Variants in ADAMTS12 observed in about 807,000 individuals in gnomAD.
ADAMTS12 encodes A disintegrin and metalloproteinase with thrombospondin motifs 12.
ADAMTS12 carries 118 observed loss-of-function variants against 167.8 expected under a neutral mutation model. That is an observed-to-expected ratio of 0.70 (90% CI 0.61 to 0.82). The LOEUF is 0.82. Ranked by LOEUF, ADAMTS12 falls within the 40% of genes least tolerant of loss-of-function variation. The pLI, the probability that ADAMTS12 is intolerant of heterozygous loss-of-function variation, is 0.00. For missense variants in ADAMTS12, 1,916 were observed against 1,998.8 expected, an observed-to-expected ratio of 0.96 and a Z score of 0.79; for synonymous variants, 704 against 716.9, an observed-to-expected ratio of 0.98 and a Z score of 0.29.
chr5:33,545,926 G>A, intron 22 of ADAMTS12, 133 bp downstream of exon 22: 1 of 1,041,400 alleles, frequency 9.6e-7, no homozygotes, highest in South Asian at 1.8e-5. Context: ...TGAGTTGATG[G>A]GTGCAGCAAA....
intron 2 of ADAMTS12, among the ~76,000 whole-genome samples, chr5:33,752,664 CA>C (rs1163963447): frequency 6.6e-6 from 1 of 152,184 alleles, no homozygotes. Context: ...GTCAATACAG[CA>C]GTTCAGTAAA....
intron 2 of ADAMTS12, among the ~76,000 whole-genome samples, chr5:33,781,901 C>T (rs1746143427): frequency 1.4e-5 from 2 of 143,898 alleles, no homozygotes; most frequent in Admixed American, 1.4e-4. Context: ...TCCATGTGTT[C>T]TCATTGTTCA....
chr5:33,532,770 G>A (rs1021161075), intron 23 of ADAMTS12, among the ~76,000 whole-genome samples: 2 of 152,018 alleles, frequency 1.3e-5, no homozygotes, highest in African/African-American at 4.8e-5. Flanking sequence ...ATGACCTGGA[G>A]GAAACTAAAC....
At chr5:33,563,732 G>C (rs1364174845) in intron 19 of ADAMTS12, among the ~76,000 whole-genome samples, 1 of 152,194 alleles carries the variant, frequency 6.6e-6, no homozygotes, top group Non-Finnish European at 1.5e-5. Flanking sequence ...CAAAATAAAA[G>C]CCATACCCAT....
At chr5:33,856,616 A>C (rs1749410190) in intron 2 of ADAMTS12, among the ~76,000 whole-genome samples, 1 of 152,146 alleles carries the variant, frequency 6.6e-6, no homozygotes, top group African/African-American at 2.4e-5. Context: ...TTCTCAAAAA[A>C]AAAAAGCATA....
intron 20 of ADAMTS12, among the ~76,000 whole-genome samples, chr5:33,558,431 G>C (rs1374057980): frequency 6.6e-6 from 1 of 152,134 alleles, no homozygotes; most frequent in Non-Finnish European, 1.5e-5. Flanking sequence ...TTGATGATGT[G>C]TCAGAAACAA....
intron 3 of ADAMTS12, among the ~76,000 whole-genome samples, chr5:33,699,061 G>A (rs1335889127): frequency 1.3e-5 from 2 of 152,208 alleles, no homozygotes; most frequent in Admixed American, 6.5e-5. Flanking sequence ...GGAGGCTGAG[G>A]CAGGAGAATT....
intron 1 of ADAMTS12, among the ~76,000 whole-genome samples, chr5:33,890,117 A>G (rs575489510): frequency 4.6e-5 from 7 of 152,096 alleles, no homozygotes; most frequent in Non-Finnish European, 1.0e-4. Context: ...GAGAGCAAAA[A>G]CCATGGCCCC....
At chr5:33,883,317 T>G (rs962473477) in intron 1 of ADAMTS12, among the ~76,000 whole-genome samples, 34 of 109,412 alleles carry the variant, frequency 3.1e-4, no homozygotes, top group East Asian at 6.0e-4. Flanking sequence ...GTTTGTTTGG[T>G]TTTTTTTTTG....
At chr5:33,594,440 A>ATGTAT (rs761246008) in intron 17 of ADAMTS12, among the ~76,000 whole-genome samples, 50 of 152,296 alleles carry the variant, frequency 3.3e-4, no homozygotes, top group Middle Eastern at 3.4e-3. Context: ...TTATACCTGT[A>ATGTAT]TGTATTATAT....
chr5:33,700,042 A>C (rs988555958), intron 3 of ADAMTS12, among the ~76,000 whole-genome samples: 2 of 152,214 alleles, frequency 1.3e-5, no homozygotes, highest in Non-Finnish European at 2.9e-5. Flanking sequence ...AATAGTGACA[A>C]CACCAAATGC....
At chr5:33,682,201 G>C (rs1742148528) in intron 5 of ADAMTS12, among the ~76,000 whole-genome samples, 1 of 152,186 alleles carries the variant, frequency 6.6e-6, no homozygotes, top group Admixed American at 6.5e-5. Context: ...TATGAAAAAA[G>C]GAATCAAGAA....
chr5:33,548,552 G>A (rs1745095488), intron 21 of ADAMTS12, among the ~76,000 whole-genome samples: 1 of 151,914 alleles, frequency 6.6e-6, no homozygotes, highest in East Asian at 1.9e-4. Flanking sequence ...GATGTAGTTG[G>A]GAGTATGTTT....
intron 16 of ADAMTS12, among the ~76,000 whole-genome samples, chr5:33,599,516 G>A (rs1261600374): frequency 8.7e-6 from 1 of 114,650 alleles, no homozygotes; most frequent in African/African-American, 2.8e-5. Flanking sequence ...GGAAATGGAG[G>A]CACTATCTCT....
chr5:33,688,045 A>C (rs528173430), intron 3 of ADAMTS12, among the ~76,000 whole-genome samples: 1 of 152,310 alleles, frequency 6.6e-6, no homozygotes, highest in Non-Finnish European at 1.5e-5. Flanking sequence ...CTCTCTAATT[A>C]GGCTTTAAGC....
intron 3 of ADAMTS12, among the ~76,000 whole-genome samples, chr5:33,685,527 T>C (rs1230835368): frequency 6.6e-6 from 1 of 152,246 alleles, no homozygotes; most frequent in Admixed American, 6.5e-5. Flanking sequence ...TCAGTTTCTC[T>C]GTCCATATGA....
intron 2 of ADAMTS12, among the ~76,000 whole-genome samples, chr5:33,868,027 C>T (rs1369067673): frequency 2.0e-5 from 3 of 152,056 alleles, no homozygotes; most frequent in African/African-American, 7.2e-5. Context: ...CTCCTCTGGC[C>T]GTGTAATATA....
intron 1 of ADAMTS12, among the ~76,000 whole-genome samples, chr5:33,884,582 GC>G (rs1488486249): frequency 6.6e-6 from 1 of 152,152 alleles, no homozygotes; most frequent in Non-Finnish European, 1.5e-5. Context: ...GGGGATGAAT[GC>G]CCTGGCACTC....
At chr5:33,606,344 A>T (rs1738438599) in intron 16 of ADAMTS12, among the ~76,000 whole-genome samples, 1 of 152,258 alleles carries the variant, frequency 6.6e-6, no homozygotes. Context: ...GGAAGATTTT[A>T]TACAATTGCA....
Sources: gnomAD v4.1 joint callset for allele counts (sites outside exome capture counted in the v4.1 genomes callset) on GRCh38, gnomAD v4.1.1 for gene constraint, MANE v1.5 for transcripts, NCBI Gene and HGNC (gene_info 2026-07-23, HGNC 2026-07-21) for gene names.